The following LPP variants were observed in gnomAD, a reference collection of about 807,000 sequenced individuals.
LPP encodes the protein lipoma-preferred partner.
Under a neutral mutation model 60.4 loss-of-function variants are expected in LPP, and 38 were observed. The ratio of observed to expected loss-of-function variants is 0.63; its 90% confidence interval spans 0.49 to 0.83. The LOEUF is 0.83. LPP is among the 40% of genes least tolerant of loss of function. LPP has a pLI of 0.00. For missense variants in LPP, 902 were observed against 783.6 expected (o/e 1.15, Z -1.80); for synonymous variants, 328 against 290.8 (o/e 1.13, Z -1.30).
chr3:188,723,858 A>G (rs1717384441), intron 8 of LPP, among the ~76,000 whole-genome samples: 1 of 152,070 alleles, frequency 6.6e-6, no homozygotes, highest in Non-Finnish European at 1.5e-5. Flanking sequence ...ATGTGTGTTT[A>G]TATATTTTCT....
intron 9 of LPP, among the ~76,000 whole-genome samples, chr3:188,806,199 G>T (rs1237527041): frequency 1.3e-5 from 2 of 151,674 alleles, no homozygotes; most frequent in African/African-American, 4.8e-5. Flanking sequence ...TTGTAGGTTT[G>T]TCTATTTCTC....
chr3:188,729,005 G>A (rs1719435273), intron 8 of LPP, among the ~76,000 whole-genome samples: 1 of 152,136 alleles, frequency 6.6e-6, no homozygotes, highest in Admixed American at 6.5e-5. Flanking sequence ...TTATAAAGGA[G>A]CTCTGTACCT....
At chr3:188,873,873 C>T (rs1302480009) in intron 11 of LPP, among the ~76,000 whole-genome samples, 1 of 152,154 alleles carries the variant, frequency 6.6e-6, no homozygotes, top group African/African-American at 2.4e-5. Context: ...GGCCCTTCTG[C>T]TTGGCAGACA....
chr3:188,528,944 A>T (rs1388911014), intron 6 of LPP, among the ~76,000 whole-genome samples: 2 of 152,346 alleles, frequency 1.3e-5, no homozygotes, highest in Non-Finnish European at 2.9e-5. Flanking sequence ...AAAAAAATTA[A>T]TTGTAATAGC....
At chr3:188,348,749 A>T (rs978031226) in intron 3 of LPP, among the ~76,000 whole-genome samples, 5 of 152,202 alleles carry the variant, frequency 3.3e-5, no homozygotes, top group African/African-American at 1.2e-4. Context: ...GGTAGTTCAT[A>T]TGCTCATTAG....
At chr3:188,513,331 A>G (rs1816368570) in intron 5 of LPP, among the ~76,000 whole-genome samples, 1 of 152,194 alleles carries the variant, frequency 6.6e-6, no homozygotes, top group Non-Finnish European at 1.5e-5. Context: ...TTTTTAAACT[A>G]TTAATTTCTT....
At chr3:188,385,875 C>T (rs115065528) in intron 3 of LPP, among the ~76,000 whole-genome samples, 162 of 152,196 alleles carry the variant, frequency 1.1e-3, no homozygotes, top group African/African-American at 3.6e-3. Context: ...AACCTGAGTG[C>T]GGTCTCTCAT....
intron 3 of LPP, among the ~76,000 whole-genome samples, chr3:188,355,423 T>C (rs956603726): frequency 6.6e-6 from 1 of 152,150 alleles, no homozygotes; most frequent in African/African-American, 2.4e-5. Context: ...TGTTTAGAAG[T>C]CATTCCATTA....
At chr3:188,193,561 T>G (rs1344066788) in intron 1 of LPP, among the ~76,000 whole-genome samples, 1 of 152,234 alleles carries the variant, frequency 6.6e-6, no homozygotes, top group Non-Finnish European at 1.5e-5. Flanking sequence ...TTGCCCTGCT[T>G]TCCACTGTTC....
At chr3:188,771,682 A>G (rs751892588) in intron 9 of LPP, among the ~76,000 whole-genome samples, 29 of 152,212 alleles carry the variant, frequency 1.9e-4, no homozygotes, top group Non-Finnish European at 3.7e-4. Context: ...ACAGGACTGA[A>G]CAAAAATCAG....
chr3:188,857,469 A>G (rs902441932), intron 9 of LPP, among the ~76,000 whole-genome samples: 5 of 152,132 alleles, frequency 3.3e-5, no homozygotes, highest in Non-Finnish European at 5.9e-5. Flanking sequence ...CTACCATTCT[A>G]CCTCCTATAC....
At chr3:188,184,576 G>A (rs1726012951) in intron 1 of LPP, among the ~76,000 whole-genome samples, 1 of 152,100 alleles carries the variant, frequency 6.6e-6, no homozygotes, top group Admixed American at 6.6e-5. Flanking sequence ...ACCATACTGA[G>A]CTGTGTGGTG....
intron 7 of LPP, among the ~76,000 whole-genome samples, chr3:188,700,062 C>G (rs1864078886): frequency 6.6e-6 from 1 of 151,846 alleles, no homozygotes; most frequent in Admixed American, 6.6e-5. Flanking sequence ...TTTTCAAGAA[C>G]ACATAATTGA....
intron 9 of LPP, 124 bp downstream of exon 9, chr3:188,760,406 TG>T (rs377293885): frequency 1.9e-5 from 12 of 623,902 alleles, no homozygotes; most frequent in South Asian, 1.6e-4. Flanking sequence ...AATGTGTGTG[TG>T]GGGTGTGTGT....
intron 2 of LPP, among the ~76,000 whole-genome samples, chr3:188,252,971 C>T (rs1399005837): frequency 6.6e-6 from 1 of 151,768 alleles, no homozygotes; most frequent in Non-Finnish European, 1.5e-5. Context: ...TGGGGTTTTG[C>T]CATGTTGGCC....
chr3:188,786,479 T>C (rs1272944528), intron 9 of LPP, among the ~76,000 whole-genome samples: 1 of 148,362 alleles, frequency 6.7e-6, no homozygotes, highest in Non-Finnish European at 1.5e-5. Flanking sequence ...CTGATGAGAA[T>C]ATAAGATGGA....
intron 2 of LPP, among the ~76,000 whole-genome samples, chr3:188,286,278 C>G (rs1743886178): frequency 6.6e-6 from 1 of 152,194 alleles, no homozygotes; most frequent in Non-Finnish European, 1.5e-5. Flanking sequence ...ATGGAGGCTT[C>G]CATTCCTCTC....
chr3:188,753,793 A>T (rs1268177946), intron 8 of LPP, among the ~76,000 whole-genome samples: 2 of 151,836 alleles, frequency 1.3e-5, no homozygotes, highest in Non-Finnish European at 1.5e-5. Flanking sequence ...GAGTGTGTAT[A>T]TGTATTTGTA....
At chr3:188,181,715 TA>T (rs1432107104) in intron 1 of LPP, among the ~76,000 whole-genome samples, 33 of 152,334 alleles carry the variant, frequency 2.2e-4, no homozygotes, top group African/African-American at 7.5e-4. Flanking sequence ...TTTAATTAAT[TA>T]AAAAATTAAT....
Sources: gnomAD v4.1 joint callset for allele counts (sites outside exome capture counted in the v4.1 genomes callset) on GRCh38, gnomAD v4.1.1 for gene constraint, MANE v1.5 for transcripts, NCBI Gene and HGNC (gene_info 2026-07-23, HGNC 2026-07-21) for gene names.